Variants in GNA14 observed in about 807,000 individuals in gnomAD.
GNA14 encodes guanine nucleotide-binding protein subunit alpha-14.
GNA14 carries 50 observed loss-of-function variants against 42.0 expected under a neutral mutation model. The ratio of observed to expected loss-of-function variants is 1.19; its 90% CI spans 0.95 to 1.51. GNA14 has a LOEUF of 1.51. Ranked by LOEUF, GNA14 falls within the 40% of genes most tolerant of loss-of-function variation. GNA14 has a pLI of 0.00. For synonymous variants in GNA14, 173 were observed against 163.1 expected (o/e 1.06, Z -0.46); for missense variants, 473 against 446.2 (o/e 1.06, Z -0.54).
intron 2 of GNA14, among the ~76,000 whole-genome samples, chr9:77,453,322 C>T (rs151070027): frequency 7.7e-4 from 117 of 152,242 alleles, no homozygotes; most frequent in African/African-American, 2.6e-3. Flanking sequence ...GAGCAGTAAA[C>T]GCTACTCTTT....
intron 1 of GNA14, among the ~76,000 whole-genome samples, chr9:77,581,006 A>G (rs1004142198): frequency 2.9e-5 from 2 of 68,880 alleles, no homozygotes; most frequent in African/African-American, 9.0e-5. Flanking sequence ...ATAAAGGCAC[A>G]CACACACACA....
At chr9:77,589,491 A>C (rs1003989533) in intron 1 of GNA14, among the ~76,000 whole-genome samples, 2 of 152,004 alleles carry the variant, frequency 1.3e-5, no homozygotes, top group Non-Finnish European at 2.9e-5. Context: ...TAGGGTTCAG[A>C]TATCACTTAT....
chr9:77,481,995 CTT>C (rs1485669622), intron 2 of GNA14, among the ~76,000 whole-genome samples: 2 of 152,262 alleles, frequency 1.3e-5, no homozygotes, highest in East Asian at 1.9e-4. Flanking sequence ...GGTCTTGACT[CTT>C]TATCCAATTT....
chr9:77,447,354 T>C (rs902593657), intron 2 of GNA14, among the ~76,000 whole-genome samples: 3 of 152,184 alleles, frequency 2.0e-5, no homozygotes, highest in Admixed American at 6.5e-5. Context: ...CAAACTACAG[T>C]ACTGCTTCTT....
intron 1 of GNA14, among the ~76,000 whole-genome samples, chr9:77,586,433 A>G (rs1026265022): frequency 2.5e-4 from 38 of 152,230 alleles, no homozygotes; most frequent in African/African-American, 9.2e-4. Flanking sequence ...TGAAAATACA[A>G]TTCAGAGTGA....
chr9:77,616,591 C>G (rs1408652872), intron 1 of GNA14, among the ~76,000 whole-genome samples: 1 of 152,220 alleles, frequency 6.6e-6, no homozygotes, highest in Non-Finnish European at 1.5e-5. Flanking sequence ...TACAGGCATG[C>G]TGATGCTCAG....
At chr9:77,546,745 A>AC (rs1587825665) in intron 1 of GNA14, among the ~76,000 whole-genome samples, 1 of 152,178 alleles carries the variant, frequency 6.6e-6, no homozygotes, top group African/African-American at 2.4e-5. Flanking sequence ...CCAAGGGGCA[A>AC]CCTAATGATT....
intron 1 of GNA14, among the ~76,000 whole-genome samples, chr9:77,588,535 A>G (rs941570975): frequency 1.3e-5 from 2 of 152,220 alleles, no homozygotes; most frequent in South Asian, 2.1e-4. Context: ...TGACAGCTGA[A>G]TGAGTCACGG....
At chr9:77,592,144 C>T (rs183231662) in intron 1 of GNA14, among the ~76,000 whole-genome samples, 8 of 152,128 alleles carry the variant, frequency 5.3e-5, no homozygotes, top group Admixed American at 3.3e-4. Flanking sequence ...CCTCGTGATC[C>T]GCCCGCCTCA....
At chr9:77,532,975 G>A (rs1837550695) in intron 1 of GNA14, among the ~76,000 whole-genome samples, 1 of 152,122 alleles carries the variant, frequency 6.6e-6, no homozygotes, top group South Asian at 2.1e-4. Flanking sequence ...TAGGGGTGGA[G>A]GGGTCACAGT....
chr9:77,539,089 A>T (rs931771537), intron 1 of GNA14, among the ~76,000 whole-genome samples: 59 of 152,204 alleles, frequency 3.9e-4, no homozygotes, highest in African/African-American at 1.3e-3. Context: ...CTTGTTCCAT[A>T]CCTTAGAAGA....
intron 1 of GNA14, among the ~76,000 whole-genome samples, chr9:77,647,256 A>C (rs972447898): frequency 2.6e-5 from 4 of 152,188 alleles, no homozygotes; most frequent in Admixed American, 6.5e-5. Context: ...TAAATTCTCA[A>C]GATGCTTCAT....
chr9:77,550,930 T>C (rs1210886550), intron 1 of GNA14, among the ~76,000 whole-genome samples: 1 of 152,222 alleles, frequency 6.6e-6, no homozygotes, highest in Non-Finnish European at 1.5e-5. Context: ...CTTACTGTTA[T>C]GCTATTGTGG....
chr9:77,446,488 G>T (rs1476879389), intron 2 of GNA14, among the ~76,000 whole-genome samples: 1 of 152,220 alleles, frequency 6.6e-6, no homozygotes, highest in Admixed American at 6.5e-5. Flanking sequence ...TGGCAGTGAG[G>T]TGGACCCGTG....
At chr9:77,488,784 T>TAAAAAAAAAAAAAA (rs67416479) in intron 2 of GNA14, among the ~76,000 whole-genome samples, 1 of 53,682 alleles carries the variant, frequency 1.9e-5, no homozygotes, top group African/African-American at 8.6e-5. Flanking sequence ...CACACCTAAT[T>TAAAAAAAAAAAAAA]AAAAAAAAAA....
At chr9:77,467,502 T>C (rs1263678854) in intron 2 of GNA14, among the ~76,000 whole-genome samples, 1 of 150,772 alleles carries the variant, frequency 6.6e-6, no homozygotes, top group African/African-American at 2.4e-5. Flanking sequence ...TCTGCCATGT[T>C]GCATGTGGCT....
At chr9:77,586,081 C>CT (rs1181937351) in intron 1 of GNA14, among the ~76,000 whole-genome samples, 1 of 152,096 alleles carries the variant, frequency 6.6e-6, no homozygotes, top group African/African-American at 2.4e-5. Context: ...AACAGCCGCG[C>CT]TCCCCTCTGA....
chr9:77,564,174 T>G (rs962554772), intron 1 of GNA14, among the ~76,000 whole-genome samples: 4 of 152,122 alleles, frequency 2.6e-5, no homozygotes, highest in African/African-American at 4.8e-5. Flanking sequence ...CACAGTCTAT[T>G]CCTTTCTCCA....
chr9:77,431,558 C>T (rs909899791), intron 3 of GNA14, 109 bp from the exon 4 acceptor site: 28 of 911,564 alleles, frequency 3.1e-5, no homozygotes, highest in Middle Eastern at 3.1e-4. Flanking sequence ...CACAGACACA[C>T]GAATTCCATC....
Sources: gnomAD v4.1 joint callset for allele counts (sites outside exome capture counted in the v4.1 genomes callset) on GRCh38, gnomAD v4.1.1 for gene constraint, MANE v1.5 for transcripts, NCBI Gene and HGNC (gene_info 2026-07-23, HGNC 2026-07-21) for gene names.